Variants in POLE observed in about 807,000 individuals in gnomAD.
POLE encodes DNA polymerase epsilon, catalytic subunit.
In POLE, 188 loss-of-function variants were observed where a neutral mutation model predicts 279.2. That is an observed-to-expected ratio of 0.67 (90% CI 0.60 to 0.76). The LOEUF (loss-of-function observed/expected upper bound fraction) is 0.76, where lower values mean the gene tolerates loss of function less well. Ranked by LOEUF, POLE falls within the 30% of genes least tolerant of loss-of-function variation. POLE has a pLI of 0.00. For synonymous variants in POLE, 1,214 were observed against 1,172.5 expected (o/e 1.04, Z -0.72); for missense variants, 2,703 against 3,016.7 (o/e 0.90, Z 2.44).
intron 6 of POLE, among the ~76,000 whole-genome samples, 180 bp downstream of exon 6, chr12:132,679,317 T>C (rs748712894): frequency 2.0e-5 from 3 of 152,130 alleles, no homozygotes; most frequent in African/African-American, 4.8e-5. Context: ...ACATAAAATA[T>C]AACCTGGGAA....
At position 132,648,539 on chromosome 12, in the gene POLE, G is replaced by A. The variant is rs1452306504; in HGVS notation, c.4149+390C>T. On this transcript the variant is annotated intron_variant, in intron 32 of 48. Coordinates refer to ENST00000320574, the MANE Select transcript of POLE (RefSeq NM_006231.4). Reference sequence around the variant, plus strand: ...AAAAAGAAAATGTCACTATTGACTGGCAATAGTCATGCCACTAAAAGTCAT... The same window carrying A: ...AAAAAGAAAATGTCACTATTGACTGACAATAGTCATGCCACTAAAAGTCAT... 5 of 171,606 alleles carry A rather than the reference G, an allele frequency of 2.9e-5. No homozygotes were observed. The East Asian group carries it at 4.6e-4, about 16-fold the overall frequency. 10.6% of individuals were successfully genotyped at this position (171,606 alleles called of 1,614,324 possible).
chr12:132,672,014 AC>A (rs975423455), intron 16 of POLE, among the ~76,000 whole-genome samples, 200 bp downstream of exon 16: 2 of 152,074 alleles, frequency 1.3e-5, no homozygotes, highest in African/African-American at 4.8e-5. Context: ...AGCAGCTCAC[AC>A]CCCACCTCTC....
At chr12:132,669,764 A>G (rs2042882368) in intron 16 of POLE, among the ~76,000 whole-genome samples, 1 of 152,196 alleles carries the variant, frequency 6.6e-6, no homozygotes, top group African/African-American at 2.4e-5. Context: ...TGGTGGGGAC[A>G]CCACCTGGAC....
At chr12:132,682,561 T>C (rs2043192687) in intron 1 of POLE, among the ~76,000 whole-genome samples, 1 of 152,112 alleles carries the variant, frequency 6.6e-6, no homozygotes, top group African/African-American at 2.4e-5. Flanking sequence ...GTTGTGACAA[T>C]TGTACTCTAC....
At position 132,665,443 on chromosome 12, in the gene POLE, T is replaced by C. The variant is rs375791061; in HGVS notation, c.2327A>G (p.Lys776Arg). ...CTCCACGGCCGCCGAGAGCTTCTTT[T>C]TCCACACCTGAGAAGCACATGAACA... ...YEFKGLHKVW[K>R]KKLSAAVEVG... The change falls in exon 21 of 49, where the codon AAA becomes AGA. Residue 776 changes from lysine to arginine, a missense_variant. By Grantham distance (26) the Lys-to-Arg change is conservative. Transcript: ENST00000320574. The C allele has an allele frequency of 2.1e-5, 34 of 1,610,446 alleles. No individual in the cohort carries two copies. Among genetic ancestry groups the C allele is most frequent in the Non-Finnish European group, 2.9e-5 (34 of 1,179,610 alleles).
At chr12:132,655,899 G>C (rs1232140023) in intron 29 of POLE, among the ~76,000 whole-genome samples, 1 of 152,054 alleles carries the variant, frequency 6.6e-6, no homozygotes, top group Admixed American at 6.6e-5. Context: ...ACTGGGCGCA[G>C]TGCTGTATTT....
rs2041787467 is a variant in POLE at position 132,624,405 on chromosome 12, G to A, written c.*292C>T. ...TGGTGCAGGAAGCAACAGAGGCCTGGAAAAGCATTCACTGCGTGAGAAACG... is the reference window on the plus strand; with the variant it reads ...TGGTGCAGGAAGCAACAGAGGCCTGAAAAAGCATTCACTGCGTGAGAAACG... On this transcript the variant is annotated 3_prime_UTR_variant, in exon 49 of 49. Transcript: ENST00000320574. The A allele has an allele frequency of 4.0e-6, 2 of 500,758 alleles. No individual in the cohort carries two copies. The highest frequency in any genetic ancestry group is 1.9e-5 in the African/African-American group (1 of 52,414). The allele number at this position is 500,758 out of a possible 1,614,324, so 31.0% of individuals were successfully genotyped here.
chr12:132,683,757 G>T (rs1437126115), intron 1 of POLE, among the ~76,000 whole-genome samples: 1 of 152,218 alleles, frequency 6.6e-6, no homozygotes, highest in Non-Finnish European at 1.5e-5. Flanking sequence ...CTTGCCTCAA[G>T]TAAGTTGGAT....
chr12:132,638,181 C>A, intron 40 of POLE, 42 bp from the exon 41 acceptor site: 1 of 1,598,532 alleles, frequency 6.3e-7, no homozygotes, highest in South Asian at 1.1e-5. Flanking sequence ...ACGCCACAGT[C>A]ATGGAGAGCC....
chr12:132,647,174 C>T (rs570508449), intron 32 of POLE, among the ~76,000 whole-genome samples: 9 of 152,182 alleles, frequency 5.9e-5, no homozygotes, highest in Admixed American at 1.3e-4. Flanking sequence ...GATTTGGCTA[C>T]GGTTGATGTT....
rs762838377 is a variant in POLE, at chr12:132,657,391, G to A, written c.3417C>T (p.Ser1139=). The A allele has an allele frequency of 2.5e-5, 40 of 1,613,944 alleles. No homozygotes were observed. The highest frequency in any genetic ancestry group is 6.7e-5 in the East Asian group (3 of 44,888). Residue 1139 remains serine (S), a synonymous_variant, in exon 28 of 49, where the codon AGC becomes AGT. Coordinates refer to ENST00000320574, the MANE Select transcript of POLE (RefSeq NM_006231.4). ...DWDYYIERLG[S]AIQKIITIPA... ...GGATGGTGATGATCTTCTGGATGGC[G>A]CTTCCCAGCCGCTCAATGTAGTAGT...
At chr12:132,648,727 G>A in intron 32 of POLE, 1 of 537,478 alleles carries the variant, frequency 1.9e-6, no homozygotes, top group Non-Finnish European at 3.2e-6. Context: ...AGCTCATCGT[G>A]ACAAGGACAC....
chr12:132,630,750 G>C (rs2041920417), intron 45 of POLE, among the ~76,000 whole-genome samples: 1 of 152,208 alleles, frequency 6.6e-6, no homozygotes, highest in South Asian at 2.1e-4. Context: ...TTAGTCGCCA[G>C]GGAAATGCAA....
intron 32 of POLE, among the ~76,000 whole-genome samples, chr12:132,646,464 G>A (rs1023323761): frequency 4.0e-5 from 6 of 151,200 alleles, no homozygotes; most frequent in African/African-American, 9.7e-5. Flanking sequence ...TGATGGTTAA[G>A]TGAAGTAATG....
In POLE at chr12:132,659,288, C is replaced by A. The variant is rs569035099; in HGVS notation, c.3275+7G>T. On this transcript the variant is annotated splice_region_variant and intron_variant, in intron 26 of 48. Coordinates refer to ENST00000320574, the MANE Select transcript of POLE (RefSeq NM_006231.4). Reference sequence around the variant, plus strand: ...CCTCACCTCTCCGTGATGGGGGGAGCCCTCACCTCTCCGTGACAGGGGAGC... The same window carrying A: ...CCTCACCTCTCCGTGATGGGGGGAGACCTCACCTCTCCGTGACAGGGGAGC... 1 of 1,613,214 alleles carries A rather than the reference C, an allele frequency of 6.2e-7. No homozygotes were observed. The highest frequency in any genetic ancestry group is 8.5e-7 in the Non-Finnish European group (1 of 1,179,620).
At chr12:132,652,590 C>T (rs2042447167) in intron 29 of POLE, among the ~76,000 whole-genome samples, 2 of 152,166 alleles carry the variant, frequency 1.3e-5, no homozygotes, top group African/African-American at 4.8e-5. Context: ...TCCCAAAGCA[C>T]TGCAATTACA....
intron 42 of POLE, among the ~76,000 whole-genome samples, chr12:132,635,600 C>G (rs116397834): frequency 6.6e-6 from 1 of 152,264 alleles, no homozygotes. Context: ...GCGCCTTATG[C>G]TCGCACAACT....
Position 132,664,010 on chromosome 12 carries a change from C to T in POLE, c.2700G>A (p.Met900Ile), listed in dbSNP as rs2135956460. The T allele has an allele frequency of 1.9e-6, 3 of 1,614,074 alleles. No homozygotes were observed. Among genetic ancestry groups the T allele is most frequent in the South Asian group, 1.1e-5 (1 of 91,072 alleles). ...CCAGAGGCCCCAGACTCACCTTGAC[C>T]ATGATGTTCAACATGGCGCCTGGGT... ...ISYPGAMLNI[M>I]VKEGFTNDQY... Residue 900 changes from methionine (M) to isoleucine (I), a missense_variant, in exon 23 of 49, where the codon ATG becomes ATA. Physicochemically the swap from Met to Ile is conservative, Grantham distance 10 (BLOSUM62 1). Coordinates refer to ENST00000320574, the MANE Select transcript of POLE (RefSeq NM_006231.4). The surrounding 1 kb of genome is among the most constrained non-coding windows in gnomAD (Gnocchi z 5.3).
intron 42 of POLE, among the ~76,000 whole-genome samples, 154 bp downstream of exon 42, chr12:132,635,738 G>A (rs1330352305): frequency 2.6e-5 from 4 of 152,214 alleles, no homozygotes; most frequent in African/African-American, 7.2e-5. Flanking sequence ...GCTTGTCTGC[G>A]CATGGTCCCT....
Sources: allele counts gnomAD v4.1 joint callset (sites outside exome capture counted in the v4.1 genomes callset), GRCh38; gene constraint gnomAD v4.1.1; non-coding constraint Gnocchi (gnomAD v3.1); transcripts MANE v1.5; gene names NCBI Gene and HGNC (gene_info 2026-07-23, HGNC 2026-07-21).